The following CNIH3 variants were observed in gnomAD, a reference collection of about 807,000 sequenced individuals.
CNIH3 encodes protein cornichon homolog 3.
In CNIH3, 14 loss-of-function variants were observed where a neutral mutation model predicts 24.1. That is an observed-to-expected ratio of 0.58 (90% CI 0.38 to 0.91). The LOEUF (loss-of-function observed/expected upper bound fraction) is 0.91, where lower values mean the gene tolerates loss of function less well. Ranked by LOEUF, CNIH3 falls within the 40% of genes least tolerant of loss-of-function variation. The pLI is 0.00. For missense variants in CNIH3, 178 were observed against 196.8 expected (o/e 0.90, Z 0.57); for synonymous variants, 68 against 73.8 (o/e 0.92, Z 0.40).
intron 1 of CNIH3, among the ~76,000 whole-genome samples, chr1:224,679,580 T>A (rs1686303781): frequency 6.6e-6 from 1 of 152,224 alleles, no homozygotes; most frequent in African/African-American, 2.4e-5. Context: ...TTCTTGTTAC[T>A]GAAGCGTTTA....
chr1:224,699,190 A>G (rs1014848033), intron 3 of CNIH3, among the ~76,000 whole-genome samples: 1 of 152,138 alleles, frequency 6.6e-6, no homozygotes, highest in African/African-American at 2.4e-5. Context: ...CATTAGCCTC[A>G]TGCGGATGGG....
At chr1:224,510,359 A>G (rs1422960637) in intron 1 of CNIH3, among the ~76,000 whole-genome samples, 1 of 151,996 alleles carries the variant, frequency 6.6e-6, no homozygotes, top group Non-Finnish European at 1.5e-5. Context: ...TGTGTTTTAA[A>G]ACGATCACTA....
chr1:224,702,703 G>T (rs1349422865), intron 3 of CNIH3, among the ~76,000 whole-genome samples: 3 of 152,338 alleles, frequency 2.0e-5, no homozygotes, highest in African/African-American at 7.2e-5. Flanking sequence ...CCCCCAGAGA[G>T]TCTCACCTGA....
In CNIH3 at chr1:224,676,192, T is replaced by C. The variant is rs573623578; in HGVS notation, c.82-4766T>C. On this transcript the variant is annotated intron_variant, in intron 1 of 5. Transcript: ENST00000272133. ...CAAACCATTGATATAGGCAACAGTG[T>C]GGCTTAAACTTAAACACATCGTGTA... Among the ~76,000 whole-genome samples the C allele has an allele frequency of 3.3e-5, 5 of 152,344 alleles. No homozygotes were observed. The South Asian group carries it at 1.0e-3, about 32-fold the overall frequency.
At chr1:224,725,140 G>C (rs1300580918) in intron 3 of CNIH3, among the ~76,000 whole-genome samples, 1 of 152,204 alleles carries the variant, frequency 6.6e-6, no homozygotes, top group Admixed American at 6.5e-5. Flanking sequence ...AACCTGGGAG[G>C]TGGAGGTTGC....
intron 4 of CNIH3, among the ~76,000 whole-genome samples, chr1:224,731,268 A>G (rs572381203): frequency 6.6e-6 from 1 of 152,206 alleles, no homozygotes; most frequent in South Asian, 2.1e-4. Flanking sequence ...TGGTATGTAA[A>G]TTATATCTTA....
intron 1 of CNIH3, among the ~76,000 whole-genome samples, chr1:224,460,978 T>G (rs1278622923): frequency 1.3e-5 from 2 of 151,540 alleles, no homozygotes; most frequent in African/African-American, 4.8e-5. Flanking sequence ...CCTTAATTCA[T>G]TGTATATTTT....
chr1:224,484,227 G>A (rs914287387), intron 1 of CNIH3, among the ~76,000 whole-genome samples: 2 of 150,410 alleles, frequency 1.3e-5, no homozygotes, highest in African/African-American at 4.9e-5. Context: ...TCAGGAGATC[G>A]AAACCATCCT....
At chr1:224,674,701 G>A (rs1380071615) in intron 1 of CNIH3, among the ~76,000 whole-genome samples, 1 of 152,006 alleles carries the variant, frequency 6.6e-6, no homozygotes, top group African/African-American at 2.4e-5. Flanking sequence ...TAGGGATAGG[G>A]TTCAGTGTTC....
intron 1 of CNIH3, among the ~76,000 whole-genome samples, chr1:224,472,752 C>A (rs1470001828): frequency 6.6e-6 from 1 of 152,080 alleles, no homozygotes; most frequent in Non-Finnish European, 1.5e-5. Context: ...ATTCATGTAA[C>A]CAGACACCAC....
chr1:224,711,236 T>C lies in CNIH3; in HGVS notation c.199-19226T>C, dbSNP rs183350107. Among the ~76,000 whole-genome samples the C allele has an allele frequency of 3.0e-3, 456 of 152,358 alleles. 2 individuals are homozygous for C. Among genetic ancestry groups the C allele is most frequent in the South Asian group, 0.024 (114 of 4,826 alleles). The stretch of plus-strand genomic sequence containing the variant: ...CTATCCTTTTTGAAACAAAATGGTA[T>C]TTAACATATTTAAATAATGTTTCTT... On this transcript the variant is annotated intron_variant, in intron 3 of 5. Transcript: ENST00000272133.
upstream of CNIH3, among the ~76,000 whole-genome samples, chr1:224,513,028 G>T (rs1430106450): frequency 6.6e-6 from 1 of 152,208 alleles, no homozygotes; most frequent in Non-Finnish European, 1.5e-5. Flanking sequence ...TGGTAAAGTG[G>T]CTGGCTTAAT....
At position 224,626,153 on chromosome 1, in the gene CNIH3, T is replaced by C. The variant is rs978392397; in HGVS notation, c.81+8898T>C. Among the ~76,000 whole-genome samples, 17 of 152,286 alleles carry C rather than the reference T, an allele frequency of 1.1e-4. No individual in the cohort carries two copies. The East Asian group carries it at 1.2e-3, about 10-fold the overall frequency. ...CTGTTTTAATCTAGAGAAGAAGCAT[T>C]AAGTGAGCTCTGCTACAAATAGTGA... On this transcript the variant is annotated intron_variant, in intron 1 of 5. Transcript: ENST00000272133.
chr1:224,501,643 C>G lies in CNIH3; in HGVS notation n.204-14098C>G, dbSNP rs572563683. ...TCGCCCAGGCTGGAGTGCAGTGGCGCGATCTCGGCTCACTACAACCTCCGT... is the reference window on the plus strand; with the variant it reads ...TCGCCCAGGCTGGAGTGCAGTGGCGGGATCTCGGCTCACTACAACCTCCGT... On this transcript the variant is annotated intron_variant and non_coding_transcript_variant, in intron 1 of 5. Coordinates refer to the CNIH3 transcript ENST00000471578. Among the ~76,000 whole-genome samples the G allele has an allele frequency of 8.4e-3, 1,263 of 151,056 alleles. 16 individuals carry two copies. Among genetic ancestry groups the G allele is most frequent in the African/African-American group, 0.029 (1,178 of 41,064 alleles).
chr1:224,700,677 C>G (rs1002612694), intron 3 of CNIH3, among the ~76,000 whole-genome samples: 3 of 152,164 alleles, frequency 2.0e-5, no homozygotes, highest in Non-Finnish European at 4.4e-5. Flanking sequence ...AATACTTTCT[C>G]CCATCATTCT....
intron 2 of CNIH3, among the ~76,000 whole-genome samples, chr1:224,536,517 C>T (rs1388391837): frequency 1.3e-5 from 2 of 152,044 alleles, no homozygotes; most frequent in Admixed American, 1.3e-4. Context: ...TCTCGAACTC[C>T]CGACCTCAGG....
At chr1:224,617,341 C>A in intron 1 of CNIH3, 86 bp downstream of exon 1, 1 of 1,435,148 alleles carries the variant, frequency 7.0e-7, no homozygotes, top group Non-Finnish European at 9.6e-7. Flanking sequence ...ACCTTGCGGG[C>A]GTGGGCGAAC....
At chr1:224,637,108 C>A (rs1260644170) in intron 1 of CNIH3, among the ~76,000 whole-genome samples, 1 of 152,052 alleles carries the variant, frequency 6.6e-6, no homozygotes, top group African/African-American at 2.4e-5. Context: ...TGTGCTACCA[C>A]GCCTGGCTAA....
intron 3 of CNIH3, among the ~76,000 whole-genome samples, chr1:224,712,109 T>C (rs964895832): frequency 1.3e-5 from 2 of 152,212 alleles, no homozygotes; most frequent in Non-Finnish European, 2.9e-5. Flanking sequence ...CTTCCCTGGA[T>C]GATAAAGGCT....
Sources: allele counts gnomAD v4.1 joint callset (sites outside exome capture counted in the v4.1 genomes callset), GRCh38; gene constraint gnomAD v4.1.1; transcripts MANE v1.5; gene names NCBI Gene and HGNC (gene_info 2026-07-23, HGNC 2026-07-21).